The following CRACD variants were observed in gnomAD, a reference collection of about 807,000 sequenced individuals.
The protein encoded by CRACD is capping protein-inhibiting regulator of actin dynamics.
Under a neutral mutation model 106.8 loss-of-function variants are expected in CRACD, and 56 were observed. The ratio of observed to expected loss-of-function variants is 0.52; its 90% CI spans 0.42 to 0.66. CRACD has a LOEUF of 0.66. Among genes scored for constraint, CRACD ranks in the 30% least tolerant of loss-of-function variants. The pLI, the probability that CRACD is intolerant of heterozygous loss-of-function variation, is 0.00. For synonymous variants in CRACD, 754 were observed against 670.8 expected (o/e 1.12, Z -1.92); for missense variants, 1,730 against 1,623.2 (o/e 1.07, Z -1.13).
chr4:56,313,754 G>C (rs1324674539), intron 7 of CRACD, among the ~76,000 whole-genome samples: 1 of 152,048 alleles, frequency 6.6e-6, no homozygotes, highest in East Asian at 1.9e-4. Flanking sequence ...TTGAATATTG[G>C]TTTTCCTCGT....
At position 56,304,315 on chromosome 4, in the gene CRACD, T is replaced by C. The variant is rs76267144; in HGVS notation, c.121-3220T>C. On this transcript the variant is annotated intron_variant, in intron 4 of 10. Transcript: ENST00000682029. ...CTTCTTTTTCCTGTTCTTATTCCTT[T>C]TTTTTTTTTTTTTTTCTTTCCATGT... 1.2e-3 allele frequency among the ~76,000 whole-genome samples: 35 copies of C among 28,744 alleles called. 1 individual carries two copies. The East Asian group carries it at 0.17, about 142-fold the overall frequency. The allele number at this position is 28,744 out of a possible 152,430, so 18.9% of individuals were successfully genotyped here.
At chr4:56,260,029 G>A (rs949645462) in intron 2 of CRACD, among the ~76,000 whole-genome samples, 15 of 152,178 alleles carry the variant, frequency 9.9e-5, no homozygotes, top group Admixed American at 8.5e-4. Flanking sequence ...ACAAGCAACC[G>A]AGGTTTTTGT....
At chr4:56,207,525 A>G (rs76853859) in intron 2 of CRACD, among the ~76,000 whole-genome samples, 3,426 of 152,126 alleles carry the variant, frequency 0.023, 121 homozygotes, top group African/African-American at 0.079. Flanking sequence ...TTTCTTGGCC[A>G]CAGTGGCCCT....
At chr4:56,055,198 C>G (rs908137917) in intron 1 of CRACD, among the ~76,000 whole-genome samples, 4 of 152,002 alleles carry the variant, frequency 2.6e-5, no homozygotes, top group Non-Finnish European at 5.9e-5. Flanking sequence ...TGGAGGCTCA[C>G]TGGCCTCACC....
At chr4:56,126,921 C>T (rs765694988) in intron 1 of CRACD, among the ~76,000 whole-genome samples, 1 of 152,228 alleles carries the variant, frequency 6.6e-6, no homozygotes, top group Non-Finnish European at 1.5e-5. Context: ...TTTCTATTCT[C>T]ATGAAAAAGA....
At chr4:56,079,128 G>A (rs921932741) in intron 1 of CRACD, among the ~76,000 whole-genome samples, 12 of 152,132 alleles carry the variant, frequency 7.9e-5, no homozygotes, top group African/African-American at 2.9e-4. Flanking sequence ...AGCGTGTCCT[G>A]CCAGGGAAGA....
At chr4:56,157,470 AG>A (rs1310717028) in intron 1 of CRACD, among the ~76,000 whole-genome samples, 1 of 152,186 alleles carries the variant, frequency 6.6e-6, no homozygotes, top group Non-Finnish European at 1.5e-5. Flanking sequence ...TGAATGGATG[AG>A]GGTCTACACT....
chr4:56,131,618 C>T (rs1030309756), intron 1 of CRACD, among the ~76,000 whole-genome samples: 29 of 152,148 alleles, frequency 1.9e-4, no homozygotes, highest in African/African-American at 6.8e-4. Flanking sequence ...TCTGGGGAGA[C>T]ACTGTTCCAA....
chr4:56,174,838 A>G (rs1333869806), intron 1 of CRACD, among the ~76,000 whole-genome samples: 1 of 152,214 alleles, frequency 6.6e-6, no homozygotes, highest in Non-Finnish European at 1.5e-5. Flanking sequence ...ATAGACTCAC[A>G]GTTTCACAGG....
intron 3 of CRACD, among the ~76,000 whole-genome samples, chr4:56,274,075 G>A (rs580539): frequency 0.47 from 72,074 of 152,056 alleles, 18,006 homozygotes; most frequent in African/African-American, 0.64. Context: ...TTTATTTTCT[G>A]TTGTCTTTAC....
At chr4:56,094,081 G>A (rs888712908) in intron 1 of CRACD, among the ~76,000 whole-genome samples, 4 of 152,186 alleles carry the variant, frequency 2.6e-5, no homozygotes, top group African/African-American at 4.8e-5. Flanking sequence ...AAGTCATATT[G>A]ATTGAGTCCA....
chr4:56,156,640 T>TCAAC (rs1444256724), intron 1 of CRACD, among the ~76,000 whole-genome samples: 5 of 152,348 alleles, frequency 3.3e-5, no homozygotes, highest in Admixed American at 2.0e-4. Context: ...CTTCATTCAT[T>TCAAC]CAACCAGGTT....
At chr4:56,098,985 C>A (rs911291272) in intron 1 of CRACD, among the ~76,000 whole-genome samples, 2 of 152,134 alleles carry the variant, frequency 1.3e-5, no homozygotes, top group Admixed American at 1.3e-4. Flanking sequence ...AGCCCGGGAT[C>A]TATTCTTTAC....
intron 1 of CRACD, among the ~76,000 whole-genome samples, chr4:56,050,297 TG>T (rs1731833034): frequency 6.6e-6 from 1 of 151,038 alleles, no homozygotes; most frequent in Non-Finnish European, 1.5e-5. Flanking sequence ...TGTGTGTGTG[TG>T]TGTGTGTGTG....
At chr4:56,262,498 C>T (rs1741764076) in intron 2 of CRACD, among the ~76,000 whole-genome samples, 1 of 149,774 alleles carries the variant, frequency 6.7e-6, no homozygotes, top group South Asian at 2.1e-4. Context: ...TTTCTTAAAA[C>T]ATTATGAGAT....
intron 2 of CRACD, among the ~76,000 whole-genome samples, chr4:56,249,715 C>T (rs573146185): frequency 6.6e-6 from 1 of 152,298 alleles, no homozygotes; most frequent in Non-Finnish European, 1.5e-5. Flanking sequence ...TAGCTCTTTA[C>T]ACCAGAGCCT....
chr4:56,251,188 G>A (rs919476654), intron 2 of CRACD, among the ~76,000 whole-genome samples: 7 of 152,110 alleles, frequency 4.6e-5, no homozygotes, highest in Non-Finnish European at 8.8e-5. Flanking sequence ...TGCCTTGACC[G>A]CCTGAGTCTT....
chr4:56,189,583 G>A (rs1737269285), intron 2 of CRACD, among the ~76,000 whole-genome samples: 1 of 116,062 alleles, frequency 8.6e-6, no homozygotes, highest in Admixed American at 1.2e-4. Flanking sequence ...GGTGTGTGAT[G>A]TTCCCCTTCC....
chr4:56,326,684 G>T (rs1387508102), intron 10 of CRACD, among the ~76,000 whole-genome samples: 1 of 151,936 alleles, frequency 6.6e-6, no homozygotes, highest in Non-Finnish European at 1.5e-5. Flanking sequence ...GGAGCTGGCA[G>T]GATCTGTGAG....
Sources: gnomAD v4.1 joint callset for allele counts (sites outside exome capture counted in the v4.1 genomes callset) on GRCh38, gnomAD v4.1.1 for gene constraint, MANE v1.5 for transcripts, NCBI Gene and HGNC (gene_info 2026-07-23, HGNC 2026-07-21) for gene names.